ANKRD44: variants seen among roughly 807,000 people sequenced by gnomAD.
The protein encoded by ANKRD44 is serine/threonine-protein phosphatase 6 regulatory ankyrin repeat subunit B.
In ANKRD44, 35 loss-of-function variants were observed where a neutral mutation model predicts 116.0. The ratio of observed to expected loss-of-function variants is 0.30; its 90% CI spans 0.23 to 0.40. ANKRD44 has a LOEUF of 0.40. Ranked by LOEUF, ANKRD44 falls within the 10% of genes least tolerant of loss-of-function variation. The pLI is 1.00. For missense variants in ANKRD44, 1,014 were observed against 1,242.6 expected, an observed-to-expected ratio of 0.82 and a Z score of 2.77; for synonymous variants, 435 against 461.8, an observed-to-expected ratio of 0.94 and a Z score of 0.74.
At chr2:197,006,001 G>C in intron 20 of ANKRD44, 91 bp from the exon 21 acceptor site, 2 of 1,193,988 alleles carry the variant, frequency 1.7e-6, no homozygotes, top group Non-Finnish European at 2.5e-6. Flanking sequence ...TAGAGCAAGT[G>C]GACATATGCC....
chr2:197,099,901 C>T lies in ANKRD44; in HGVS notation c.1015G>A (p.Gly339Ser), dbSNP rs1286966319. The T allele has an allele frequency of 3.7e-6, 6 of 1,614,042 alleles. No homozygotes were observed. The highest frequency in any genetic ancestry group is 5.1e-6 in the Non-Finnish European group (6 of 1,179,990). ...GGEIDCVDKD[G>S]NTPLHVAARY... Reference sequence around the variant, plus strand: ...GCAGCCACATGGAGAGGAGTGTTGCCGTCCTTATCCACACAGTCAATTTCA... The same window carrying T: ...GCAGCCACATGGAGAGGAGTGTTGCTGTCCTTATCCACACAGTCAATTTCA... Residue 339 changes from glycine (G) to serine (S), a missense_variant, in exon 10 of 28, where the codon GGC (glycine) becomes AGC (serine). Transcript: ENST00000282272.
chr2:197,170,920 T>C (rs528997995), intron 2 of ANKRD44, among the ~76,000 whole-genome samples: 3 of 152,286 alleles, frequency 2.0e-5, no homozygotes, highest in Admixed American at 2.0e-4. Flanking sequence ...GATTCCCTGA[T>C]GATGGAGTGG....
intron 3 of ANKRD44, 93 bp downstream of exon 3, chr2:197,146,934 A>G: frequency 9.7e-7 from 1 of 1,030,478 alleles, no homozygotes. Flanking sequence ...ATAACAAAGG[A>G]ATTTTGCTTG....
chr2:197,177,635 T>C (rs568712205), intron 2 of ANKRD44, among the ~76,000 whole-genome samples: 1 of 152,240 alleles, frequency 6.6e-6, no homozygotes, highest in East Asian at 1.9e-4. Flanking sequence ...TTTTTTACCA[T>C]TTCTAAATAT....
chr2:197,297,727 T>C (rs992663846), intron 1 of ANKRD44, among the ~76,000 whole-genome samples: 2 of 152,182 alleles, frequency 1.3e-5, no homozygotes, highest in African/African-American at 4.8e-5. Context: ...TGCCACAATA[T>C]TTTAAAATAT....
intron 1 of ANKRD44, among the ~76,000 whole-genome samples, 196 bp from the exon 2 acceptor site, chr2:197,187,302 T>C (rs935246847): frequency 6.6e-6 from 1 of 152,208 alleles, no homozygotes; most frequent in African/African-American, 2.4e-5. Context: ...ATAACTATTA[T>C]ACAATCTGAA....
At chr2:197,125,686 G>T in intron 5 of ANKRD44, 151 bp downstream of exon 5, 2 of 960,092 alleles carry the variant, frequency 2.1e-6, no homozygotes, top group Non-Finnish European at 3.1e-6. Context: ...ATTCATTGTG[G>T]CTCTAAAGTT....
At chr2:197,017,473 A>G (rs943624142) in intron 17 of ANKRD44, among the ~76,000 whole-genome samples, 1 of 152,250 alleles carries the variant, frequency 6.6e-6, no homozygotes, top group Non-Finnish European at 1.5e-5. Context: ...AGGAATTAAG[A>G]GTACAGATAC....
intron 24 of ANKRD44, among the ~76,000 whole-genome samples, 178 bp from the exon 25 acceptor site, chr2:196,998,597 G>T (rs1025337535): frequency 2.0e-5 from 3 of 152,072 alleles, no homozygotes; most frequent in Non-Finnish European, 4.4e-5. Flanking sequence ...CCAAATCCAA[G>T]GTTAATAGGC....
At chr2:197,039,465 C>T (rs1444175863) in intron 16 of ANKRD44, among the ~76,000 whole-genome samples, 4 of 152,186 alleles carry the variant, frequency 2.6e-5, no homozygotes, top group African/African-American at 4.8e-5. Context: ...TGAGATACTT[C>T]GGCTACTCCC....
At chr2:197,254,399 C>CA (rs2082393458) in intron 1 of ANKRD44, among the ~76,000 whole-genome samples, 2 of 122,444 alleles carry the variant, frequency 1.6e-5, no homozygotes, top group South Asian at 2.5e-4. Context: ...ACAACAACAA[C>CA]AAAAAAAACT....
chr2:197,029,465 G>A, intron 16 of ANKRD44: 1 of 404,464 alleles, frequency 2.5e-6, no homozygotes, highest in South Asian at 1.9e-5. Flanking sequence ...TGCATGGGAA[G>A]ATTTTCTAGA....
At chr2:197,100,640 C>T (rs2078271282) in intron 9 of ANKRD44, among the ~76,000 whole-genome samples, 1 of 152,100 alleles carries the variant, frequency 6.6e-6, no homozygotes, top group African/African-American at 2.4e-5. Context: ...TGTGCTAAAA[C>T]ATAAGAACCA....
intron 1 of ANKRD44, among the ~76,000 whole-genome samples, chr2:197,226,140 T>C (rs1011097395): frequency 2.0e-5 from 3 of 152,228 alleles, no homozygotes; most frequent in African/African-American, 7.2e-5. Flanking sequence ...ATTTACAAGC[T>C]GCTGTGTCAT....
At chr2:197,271,601 A>T (rs1469737692) in intron 1 of ANKRD44, among the ~76,000 whole-genome samples, 1 of 152,158 alleles carries the variant, frequency 6.6e-6, no homozygotes, top group Admixed American at 6.5e-5. Flanking sequence ...TTCACAATCC[A>T]CTAATGCATT....
intron 10 of ANKRD44, among the ~76,000 whole-genome samples, chr2:197,091,764 A>G (rs1474882994): frequency 6.6e-6 from 1 of 152,220 alleles, no homozygotes; most frequent in African/African-American, 2.4e-5. Context: ...AAAGTTTTGG[A>G]TAAGAATAAA....
chr2:197,304,475 G>A (rs1015467794), intron 1 of ANKRD44, among the ~76,000 whole-genome samples: 1 of 152,164 alleles, frequency 6.6e-6, no homozygotes, highest in Non-Finnish European at 1.5e-5. Flanking sequence ...AGCCTTATTA[G>A]AGCTCATCTG....
intron 1 of ANKRD44, among the ~76,000 whole-genome samples, chr2:197,189,306 A>G (rs1175565762): frequency 6.6e-6 from 1 of 152,172 alleles, no homozygotes; most frequent in African/African-American, 2.4e-5. Context: ...TTTCTCGAAA[A>G]CACCCTCTCA....
At chr2:197,233,573 G>A (rs948999307) in intron 1 of ANKRD44, among the ~76,000 whole-genome samples, 23 of 152,122 alleles carry the variant, frequency 1.5e-4, no homozygotes, top group African/African-American at 5.1e-4. Flanking sequence ...ACTATGTTGT[G>A]TCCAGGCTCA....
Sources: allele counts gnomAD v4.1 joint callset (sites outside exome capture counted in the v4.1 genomes callset), GRCh38; gene constraint gnomAD v4.1.1; transcripts MANE v1.5; gene names NCBI Gene and HGNC (gene_info 2026-07-23, HGNC 2026-07-21).